The following ULBP3 variants were observed in gnomAD, a reference collection of about 807,000 sequenced individuals.
ULBP3 encodes the protein UL16 binding protein 3.
A neutral mutation model predicts 24.9 loss-of-function variants in ULBP3; 25 were observed. The observed-to-expected ratio is 1.00, with a 90% CI of 0.73 to 1.40. The LOEUF (loss-of-function observed/expected upper bound fraction) is 1.40. Among genes scored for constraint, ULBP3 ranks in the 40% most tolerant of loss-of-function variants. ULBP3 has a pLI of 0.00. For missense variants in ULBP3, 306 were observed against 307.5 expected (o/e 1.00, Z 0.04); for synonymous variants, 114 against 114.7 (o/e 0.99, Z 0.04).
At chr6:150,068,261 C>A (rs577874298) in intron 1 of ULBP3, among the ~76,000 whole-genome samples, 23 of 152,256 alleles carry the variant, frequency 1.5e-4, no homozygotes, top group Admixed American at 1.4e-3. Flanking sequence ...CCATGGGACT[C>A]CCCCTCACAT....
In ULBP3 at chr6:150,063,344, C is replaced by T; in HGVS notation, c.*30G>A. The T allele has an allele frequency of 2.0e-6, 2 of 979,636 alleles. No individual in the cohort carries two copies. Among genetic ancestry groups the T allele is most frequent in the South Asian group, 9.5e-5 (2 of 21,164 alleles). 60.7% of individuals were successfully genotyped at this position (979,636 alleles called of 1,614,324 possible). ...GGCTAACAGAGGCTTCTTGATATCA[C>T]CTTCCACCTTGAGGAAAGATGAAGC... On this transcript the variant is annotated 3_prime_UTR_variant, in exon 5 of 5. Coordinates refer to ENST00000367339, the MANE Select transcript of ULBP3 (RefSeq NM_024518.3).
intron 1 of ULBP3, among the ~76,000 whole-genome samples, chr6:150,067,398 C>A (rs756723179): frequency 2.0e-5 from 3 of 152,186 alleles, no homozygotes; most frequent in Non-Finnish European, 4.4e-5. Flanking sequence ...TCAGACACTC[C>A]TAGTGGACAC....
At position 150,067,020 on chromosome 6, in the gene ULBP3, A is replaced by G. The variant is rs1293904832; in HGVS notation, c.89-858T>C. On this transcript the variant is annotated intron_variant, in intron 1 of 4. Transcript: ENST00000367339. ...GATGGAAATAATTAGAGAAGTCACA[A>G]TGCTAGCTGGGGTCCTCAGTCTTAC... is the stretch of plus-strand genomic sequence containing the variant. Among the ~76,000 whole-genome samples the G allele has an allele frequency of 5.3e-5, 8 of 152,270 alleles. No individual in the cohort carries two copies. The South Asian group carries it at 1.2e-3, about 24-fold the overall frequency.
At chr6:150,067,198 A>T (rs73618378) in intron 1 of ULBP3, among the ~76,000 whole-genome samples, 3,887 of 152,264 alleles carry the variant, frequency 0.026, 163 homozygotes, top group African/African-American at 0.087. Context: ...CCGGGAAATA[A>T]CTGAGCTCCC....
In ULBP3 at chr6:150,065,987, C is replaced by A; in HGVS notation, c.264G>T (p.Trp88Cys). The change falls in exon 2 of 5, where the codon TGG (tryptophan) becomes TGT (cysteine). Residue 88 changes from tryptophan to cysteine, a missense_variant. By Grantham distance (215) the Trp-to-Cys change is radical. Coordinates refer to ENST00000367339, the MANE Select transcript of ULBP3 (RefSeq NM_024518.3). ...CTCTCAGCATTTCCAGTTGTTTTCCCCAGGCATCTGTGGCATACAGCTGCT... is the reference window on the plus strand; with the variant it reads ...CTCTCAGCATTTCCAGTTGTTTTCCACAGGCATCTGTGGCATACAGCTGCT... ...LEEQLYATDA[W>C]GKQLEMLREV... is the part of the protein sequence containing the mutation. 6.2e-7 allele frequency: 1 copy of A among 1,614,226 alleles called. No homozygotes were observed. The highest frequency in any genetic ancestry group is 8.5e-7 in the Non-Finnish European group (1 of 1,180,050).
In ULBP3 at chr6:150,066,105, T is replaced by C. The variant is rs1269600381; in HGVS notation, c.146A>G (p.Gln49Arg). ...TIIHLPRHGQ[Q>R]WCEVQSQVDQ... ...CACCTGGCTCTGGACCTCACACCAC[T>C]GTTGCCCATGTCTGGGCAAATGAAT... The change falls in exon 2 of 5, where the codon CAG becomes CGG. Residue 49 changes from glutamine to arginine, a missense_variant. Physicochemically the swap from Gln to Arg is conservative, Grantham distance 43. Transcript: ENST00000367339. The C allele has an allele frequency of 1.2e-6, 2 of 1,614,106 alleles. No individual in the cohort carries two copies. The highest frequency in any genetic ancestry group is 2.2e-5 in the East Asian group (1 of 44,878).
rs144010552 is a variant in ULBP3, at chr6:150,066,074, C to T, written c.177G>A (p.Gln59=). The change falls in exon 2 of 5, where the codon CAG becomes CAA. Residue 59 remains glutamine (Q), a synonymous_variant. Transcript: ENST00000367339. ...CACAGTCATAGGAGAGAAAATTCTT[C>T]TGATCCACCTGGCTCTGGACCTCAC... ...QWCEVQSQVD[Q]KNFLSYDCGS... 4.3e-5 allele frequency: 70 copies of T among 1,614,192 alleles called. No individual in the cohort carries two copies. The African/African-American group carries it at 6.7e-4, about 15-fold the overall frequency.
intron 4 of ULBP3, among the ~76,000 whole-genome samples, chr6:150,064,274 A>G (rs905768463): frequency 9.2e-5 from 14 of 151,968 alleles, no homozygotes; most frequent in African/African-American, 2.2e-4. Context: ...ACACACCACT[A>G]CCCTTCCCAG....
At position 150,061,442 on chromosome 6, in the gene ULBP3, C is replaced by T. The variant is rs1776273145; in HGVS notation, c.*1932G>A. 6.6e-6 allele frequency among the ~76,000 whole-genome samples: 1 copy of T among 152,164 alleles called. No individual in the cohort carries two copies. Among genetic ancestry groups the T allele is most frequent in the African/African-American group, 2.4e-5 (1 of 41,422 alleles). ...TCCTGTCTCACCTGTCTAGTAATCT[C>T]CAGTGCCTCTGGTTCATGTGAATTC... On this transcript the variant is annotated 3_prime_UTR_variant, in exon 5 of 5. Coordinates refer to ENST00000367339, the MANE Select transcript of ULBP3 (RefSeq NM_024518.3).
intron 4 of ULBP3, among the ~76,000 whole-genome samples, chr6:150,063,824 G>C (rs1776307553): frequency 6.6e-6 from 1 of 152,206 alleles, no homozygotes; most frequent in South Asian, 2.1e-4. Context: ...TCCTGGCCAA[G>C]CTCAGTGGTG....
chr6:150,062,319 T>G lies in ULBP3; in HGVS notation c.*1055A>C, dbSNP rs1302902111. Among the ~76,000 whole-genome samples the G allele has an allele frequency of 6.6e-6, 1 of 152,194 alleles. No homozygotes were observed. The highest frequency in any genetic ancestry group is 1.5e-5 in the Non-Finnish European group (1 of 68,028). ...TTGCCAGGCCCTATGTCCACATTGG[T>G]ATTTCTTAGCTTATATTCCAGGATT... is the stretch of plus-strand genomic sequence containing the variant. On this transcript the variant is annotated 3_prime_UTR_variant, in exon 5 of 5. Transcript: ENST00000367339.
intron 4 of ULBP3, 28 bp downstream of exon 4, chr6:150,064,557 G>T: frequency 6.3e-7 from 1 of 1,591,854 alleles, no homozygotes; most frequent in Non-Finnish European, 8.6e-7. Flanking sequence ...TCTGTCTCTC[G>T]TTCCCCTCAC....
In ULBP3 at chr6:150,062,001, G is replaced by A. The variant is rs1268655638; in HGVS notation, c.*1373C>T. ...TTAGTGATATTGAGCATTTTTTCAC[G>A]TTTGTTGGCCACTTGTATGTCTTCT... On this transcript the variant is annotated 3_prime_UTR_variant, in exon 5 of 5. Transcript: ENST00000367339. Among the ~76,000 whole-genome samples, 3 of 152,118 alleles carry A rather than the reference G, an allele frequency of 2.0e-5. No individual in the cohort carries two copies. The highest frequency in any genetic ancestry group is 4.8e-5 in the African/African-American group (2 of 41,420).
chr6:150,068,144 C>G (rs1216138097), intron 1 of ULBP3, among the ~76,000 whole-genome samples: 1 of 152,096 alleles, frequency 6.6e-6, no homozygotes, highest in Admixed American at 6.5e-5. Context: ...ATGGCTACAC[C>G]CCCCCACCCT....
chr6:150,066,309 C>T, intron 1 of ULBP3, 147 bp from the exon 2 acceptor site: 1 of 912,358 alleles, frequency 1.1e-6, no homozygotes, highest in Non-Finnish European at 1.6e-6. Flanking sequence ...GTGGAGGAAC[C>T]ATGGGTCGCT....
In ULBP3 at chr6:150,061,845, C is replaced by T. The variant is rs373558934; in HGVS notation, c.*1529G>A. 6.3e-4 allele frequency among the ~76,000 whole-genome samples: 96 copies of T among 152,146 alleles called. No homozygotes were observed. The South Asian group carries it at 0.011, about 18-fold the overall frequency. On this transcript the variant is annotated 3_prime_UTR_variant, in exon 5 of 5. Coordinates refer to ENST00000367339, the MANE Select transcript of ULBP3 (RefSeq NM_024518.3). ...GAAATCTCCAAACTGCTTTCCATAG[C>T]GGCTGAACAAGTTTGCTTTCCCACC... is the stretch of plus-strand genomic sequence containing the variant.
chr6:150,065,394 T>C lies in ULBP3; in HGVS notation c.628+4A>G. ...CATGCTCCCAGTGCTCCCCTGTCAGTTACCTGTGGGTTCCAGCCTCTTCTT... is the reference window on the plus strand; with the variant it reads ...CATGCTCCCAGTGCTCCCCTGTCAGCTACCTGTGGGTTCCAGCCTCTTCTT... On this transcript the variant is annotated splice_donor_region_variant and intron_variant, in intron 3 of 4. Transcript: ENST00000367339. 1 of 1,613,524 alleles carries C rather than the reference T, an allele frequency of 6.2e-7. No homozygotes were observed. The highest frequency in any genetic ancestry group is 1.1e-5 in the South Asian group (1 of 91,062).
chr6:150,067,546 C>A (rs1339312223), intron 1 of ULBP3, among the ~76,000 whole-genome samples: 1 of 152,164 alleles, frequency 6.6e-6, no homozygotes, highest in Non-Finnish European at 1.5e-5. Flanking sequence ...GGTTCATAGA[C>A]CCATTCAATG....
In ULBP3 at chr6:150,064,728, C is replaced by G. The variant is rs1197359300; in HGVS notation, c.629-15G>C. The G allele has an allele frequency of 6.2e-7, 1 of 1,613,032 alleles. No individual in the cohort carries two copies. Among genetic ancestry groups the G allele is most frequent in the East Asian group, 2.2e-5 (1 of 44,874 alleles). On this transcript the variant is annotated splice_polypyrimidine_tract_variant and intron_variant, in intron 3 of 4. Transcript: ENST00000367339. ...GGTGGGTGGTGCTGAAAGGGAAACA[C>G]AAAAGTGACAACTCTTGTCCACGCT...
Sources: gnomAD v4.1 joint callset for allele counts (sites outside exome capture counted in the v4.1 genomes callset) on GRCh38, gnomAD v4.1.1 for gene constraint, MANE v1.5 for transcripts, NCBI Gene and HGNC (gene_info 2026-07-23, HGNC 2026-07-21) for gene names.